MNAT1: variants seen among roughly 807,000 people sequenced by gnomAD.
MNAT1 encodes CDK-activating kinase assembly factor MAT1.
MNAT1 carries 43 observed loss-of-function variants against 42.0 expected under a neutral mutation model. The observed-to-expected ratio is 1.02, with a 90% confidence interval of 0.80 to 1.32. MNAT1 has a LOEUF of 1.32. Ranked by LOEUF, MNAT1 falls within the 40% of genes most tolerant of loss-of-function variation. The pLI is 0.00. For missense variants in MNAT1, 306 were observed against 350.4 expected (o/e 0.87, Z 1.01); for synonymous variants, 118 against 120.0 (o/e 0.98, Z 0.11).
intron 6 of MNAT1, among the ~76,000 whole-genome samples, chr14:60,859,662 AT>A (rs1173678478): frequency 6.6e-6 from 1 of 152,034 alleles, no homozygotes; most frequent in African/African-American, 2.4e-5. Flanking sequence ...AAGTTTCACA[AT>A]TTTTTTTAAG....
intron 6 of MNAT1, among the ~76,000 whole-genome samples, chr14:60,865,077 GATAC>G (rs907306798): frequency 3.3e-5 from 5 of 151,946 alleles, no homozygotes; most frequent in African/African-American, 1.2e-4. Context: ...AAATATTCCT[GATAC>G]ATACCAACTA....
intron 6 of MNAT1, among the ~76,000 whole-genome samples, chr14:60,853,057 A>T (rs937224013): frequency 5.9e-5 from 9 of 152,126 alleles, no homozygotes; most frequent in Admixed American, 5.2e-4. Flanking sequence ...ATGAAATTTA[A>T]GTAGTGTTTT....
intron 6 of MNAT1, among the ~76,000 whole-genome samples, chr14:60,851,059 A>C (rs372189201): frequency 2.0e-5 from 3 of 152,184 alleles, no homozygotes; most frequent in East Asian, 1.9e-4. Flanking sequence ...TTTTGGGTTC[A>C]TACTTTATGG....
chr14:60,939,862 A>T (rs2036102104), intron 7 of MNAT1, among the ~76,000 whole-genome samples: 2 of 151,950 alleles, frequency 1.3e-5, no homozygotes, highest in Non-Finnish European at 2.9e-5. Flanking sequence ...ATTGTGTGGG[A>T]GTCTAAGTCT....
intron 5 of MNAT1, among the ~76,000 whole-genome samples, chr14:60,817,788 G>A (rs1267898836): frequency 6.6e-6 from 1 of 151,930 alleles, no homozygotes; most frequent in Admixed American, 6.6e-5. Flanking sequence ...TGAACAATAT[G>A]TTTTAGCACA....
chr14:60,752,340 G>A (rs550723727), intron 1 of MNAT1, among the ~76,000 whole-genome samples: 2 of 152,030 alleles, frequency 1.3e-5, no homozygotes, highest in East Asian at 3.9e-4. Flanking sequence ...TTGGGATTAG[G>A]AATATAGTTT....
At chr14:60,882,130 T>C (rs1259093136) in intron 7 of MNAT1, among the ~76,000 whole-genome samples, 5 of 152,108 alleles carry the variant, frequency 3.3e-5, no homozygotes, top group African/African-American at 1.2e-4. Context: ...CACTGCACTC[T>C]AGCCTGGGTG....
At chr14:60,885,671 ATGTATAGTT>A (rs2034651246) in intron 7 of MNAT1, among the ~76,000 whole-genome samples, 2 of 151,934 alleles carry the variant, frequency 1.3e-5, no homozygotes, top group Admixed American at 1.3e-4. Context: ...CCTTTATTGG[ATGTATAGTT>A]TGTATAGTTT....
rs901623362 is a variant in MNAT1, at chr14:60,948,013, C to A, written c.810-20216C>A. Among the ~76,000 whole-genome samples, 3 of 152,190 alleles carry A rather than the reference C, an allele frequency of 2.0e-5. No homozygotes were observed. In the East Asian group the frequency reaches 5.8e-4, roughly 29 times the overall value. On this transcript the variant is annotated intron_variant, in intron 7 of 7. Coordinates refer to ENST00000261245, the MANE Select transcript of MNAT1 (RefSeq NM_002431.4). Reference sequence around the variant, plus strand: ...AGGCCCTCATAATCTTTTCTCTTTGCTTCCTTTTTTACCCTCTCTTTCTCC... The same window carrying A: ...AGGCCCTCATAATCTTTTCTCTTTGATTCCTTTTTTACCCTCTCTTTCTCC...
intron 7 of MNAT1, among the ~76,000 whole-genome samples, chr14:60,937,578 C>T (rs1237309170): frequency 6.6e-6 from 1 of 152,112 alleles, no homozygotes; most frequent in African/African-American, 2.4e-5. Context: ...TGTTCTGTTC[C>T]ATTGGTCTAT....
chr14:60,766,710 A>T (rs1320196130), intron 1 of MNAT1, among the ~76,000 whole-genome samples: 1 of 152,220 alleles, frequency 6.6e-6, no homozygotes. Context: ...CTCCGTCTCA[A>T]AAAAAACAAA....
intron 7 of MNAT1, among the ~76,000 whole-genome samples, chr14:60,894,865 T>C (rs1450834676): frequency 6.6e-6 from 1 of 152,232 alleles, no homozygotes; most frequent in East Asian, 1.9e-4. Context: ...CAAATAAACA[T>C]GTATACACTT....
intron 7 of MNAT1, among the ~76,000 whole-genome samples, chr14:60,897,334 A>G (rs1013750800): frequency 1.3e-5 from 2 of 152,128 alleles, no homozygotes; most frequent in Non-Finnish European, 2.9e-5. Context: ...ATGTAAATAT[A>G]TGCATTATGT....
chr14:60,760,791 C>T (rs757826727), intron 1 of MNAT1, among the ~76,000 whole-genome samples: 1 of 152,168 alleles, frequency 6.6e-6, no homozygotes, highest in Non-Finnish European at 1.5e-5. Flanking sequence ...GTAGAAAGTA[C>T]ATTGTGCCCT....
At chr14:60,765,307 G>A (rs942648150) in intron 1 of MNAT1, among the ~76,000 whole-genome samples, 2 of 152,122 alleles carry the variant, frequency 1.3e-5, no homozygotes, top group African/African-American at 4.8e-5. Context: ...TCACTCATAA[G>A]TGGGAGTTGA....
intron 1 of MNAT1, among the ~76,000 whole-genome samples, chr14:60,737,901 T>A (rs1406556199): frequency 6.7e-6 from 1 of 149,898 alleles, no homozygotes; most frequent in African/African-American, 2.5e-5. Context: ...CAGGCTAGAG[T>A]GCAGTGGCGC....
chr14:60,801,307 G>A (rs1013795621), intron 3 of MNAT1, among the ~76,000 whole-genome samples: 12 of 151,934 alleles, frequency 7.9e-5, no homozygotes, highest in Non-Finnish European at 1.3e-4. Flanking sequence ...CTGGATTAAG[G>A]AGGCCTTAGT....
chr14:60,835,078 C>A (rs2033351498), intron 6 of MNAT1, among the ~76,000 whole-genome samples: 3 of 149,022 alleles, frequency 2.0e-5, no homozygotes, highest in African/African-American at 7.4e-5. Flanking sequence ...TCAAGCCTGG[C>A]TTTTTTTTGC....
intron 1 of MNAT1, among the ~76,000 whole-genome samples, chr14:60,737,395 G>A (rs1307083040): frequency 5.3e-5 from 8 of 151,810 alleles, no homozygotes; most frequent in Admixed American, 5.3e-4. Context: ...ATATATATAT[G>A]TGTGTATATA....
Sources: allele counts gnomAD v4.1 joint callset (sites outside exome capture counted in the v4.1 genomes callset), GRCh38; gene constraint gnomAD v4.1.1; transcripts MANE v1.5; gene names NCBI Gene and HGNC (gene_info 2026-07-23, HGNC 2026-07-21).